The following UBE3D variants were observed in gnomAD, a reference collection of about 807,000 sequenced individuals.
UBE3D encodes the protein ubiquitin protein ligase E3D.
A neutral mutation model predicts 49.6 loss-of-function variants in UBE3D; 48 were observed. The ratio of observed to expected loss-of-function variants is 0.97; its 90% confidence interval spans 0.77 to 1.23. The LOEUF (loss-of-function observed/expected upper bound fraction) is 1.23, where lower values mean the gene tolerates loss of function less well. Among genes scored for constraint, UBE3D ranks in the 50% most tolerant of loss-of-function variants. The probability of loss-of-function intolerance (pLI) is 0.00; values close to 1 mark genes in which losing one functional copy is unlikely to be tolerated. For synonymous variants in UBE3D, 189 were observed against 174.2 expected, an observed-to-expected ratio of 1.08 and a Z score of -0.67; for missense variants, 452 against 468.4, an observed-to-expected ratio of 0.96 and a Z score of 0.32.
intron 8 of UBE3D, among the ~76,000 whole-genome samples, chr6:82,984,380 G>A (rs1156831011): frequency 6.6e-6 from 1 of 152,124 alleles, no homozygotes; most frequent in Non-Finnish European, 1.5e-5. Flanking sequence ...TCGTATGCAT[G>A]TGTCCTTTAA....
intron 9 of UBE3D, among the ~76,000 whole-genome samples, chr6:82,903,096 C>T (rs540821484): frequency 1.1e-4 from 16 of 152,002 alleles, no homozygotes; most frequent in East Asian, 1.9e-4. Flanking sequence ...CTTTAATTGA[C>T]GAAGGAATCC....
downstream of UBE3D, among the ~76,000 whole-genome samples, chr6:82,887,394 T>G (rs888255595): frequency 3.0e-5 from 4 of 131,414 alleles, no homozygotes; most frequent in East Asian, 2.2e-4. Context: ...TAACAGTTTT[T>G]TTTTTTTTTT....
intron 4 of UBE3D, among the ~76,000 whole-genome samples, chr6:83,039,088 C>A (rs202205182): frequency 2.0e-5 from 3 of 152,206 alleles, no homozygotes; most frequent in African/African-American, 7.2e-5. Context: ...AATCCAAATT[C>A]GCTATTTGAG....
the UBE3D span, among the ~76,000 whole-genome samples, chr6:82,885,627 C>T: frequency 2.0e-5 from 3 of 152,134 alleles, no homozygotes; most frequent in African/African-American, 7.2e-5. Context: ...TTAACTACCG[C>T]ATCTACATTT....
chr6:83,003,307 C>T (rs566297881), intron 8 of UBE3D, among the ~76,000 whole-genome samples: 2 of 152,036 alleles, frequency 1.3e-5, no homozygotes, highest in East Asian at 3.9e-4. Context: ...CATATTTTTT[C>T]ATCAAAAGAA....
chr6:83,029,559 G>T (rs1781720743), intron 5 of UBE3D, among the ~76,000 whole-genome samples: 1 of 152,120 alleles, frequency 6.6e-6, no homozygotes, highest in Admixed American at 6.5e-5. Flanking sequence ...CTGCTCAATT[G>T]AATATCTGTG....
At chr6:82,984,360 AAATT>A (rs1243591880) in intron 8 of UBE3D, among the ~76,000 whole-genome samples, 1 of 152,202 alleles carries the variant, frequency 6.6e-6, no homozygotes, top group Non-Finnish European at 1.5e-5. Flanking sequence ...AATAGTGCTC[AAATT>A]AATAGTCGTA....
At chr6:82,884,933 G>A in the UBE3D span, among the ~76,000 whole-genome samples, 14 of 152,184 alleles carry the variant, frequency 9.2e-5, no homozygotes, top group African/African-American at 3.1e-4. Flanking sequence ...TGTCAGATGC[G>A]TGGTCAGAAA....
intron 4 of UBE3D, among the ~76,000 whole-genome samples, chr6:83,042,324 C>T (rs1782732298): frequency 1.3e-5 from 2 of 152,146 alleles, no homozygotes; most frequent in Admixed American, 6.5e-5. Context: ...GTAGATACTG[C>T]TGCAATAACA....
intron 8 of UBE3D, among the ~76,000 whole-genome samples, chr6:82,969,311 A>G (rs77359892): frequency 5.0e-4 from 76 of 152,260 alleles, no homozygotes; most frequent in Middle Eastern, 3.4e-3. Context: ...ACATCACGAT[A>G]AAAATACTTA....
At chr6:82,922,958 A>T (rs1219251384) in intron 9 of UBE3D, among the ~76,000 whole-genome samples, 3 of 152,242 alleles carry the variant, frequency 2.0e-5, no homozygotes, top group Non-Finnish European at 4.4e-5. Flanking sequence ...ATATGAAAAA[A>T]TGCTCATCAT....
intron 9 of UBE3D, among the ~76,000 whole-genome samples, chr6:82,952,324 G>T (rs1273153946): frequency 6.6e-5 from 10 of 151,982 alleles, no homozygotes; most frequent in Non-Finnish European, 1.2e-4. Context: ...TCATGAAAAT[G>T]AAATGAGCTA....
intron 5 of UBE3D, among the ~76,000 whole-genome samples, chr6:83,025,328 T>C (rs1582672609): frequency 6.6e-6 from 1 of 152,032 alleles, no homozygotes; most frequent in East Asian, 1.9e-4. Flanking sequence ...AAAATTTAAA[T>C]AGAAATTTAA....
chr6:82,907,226 G>A (rs909772517), intron 9 of UBE3D, among the ~76,000 whole-genome samples: 1 of 152,140 alleles, frequency 6.6e-6, no homozygotes, highest in Non-Finnish European at 1.5e-5. Context: ...GGATGAGGTC[G>A]GGCTGTTGCT....
At chr6:83,035,845 G>A (rs1782208081) in intron 5 of UBE3D, among the ~76,000 whole-genome samples, 1 of 152,118 alleles carries the variant, frequency 6.6e-6, no homozygotes, top group South Asian at 2.1e-4. Context: ...ATTTCTATAA[G>A]CTAGATGTTG....
chr6:82,924,410 A>T (rs1301241808), intron 9 of UBE3D, among the ~76,000 whole-genome samples: 1 of 152,184 alleles, frequency 6.6e-6, no homozygotes. Flanking sequence ...AAGGACAAGA[A>T]TCTTTACTAC....
downstream of UBE3D, among the ~76,000 whole-genome samples, chr6:82,891,530 T>G (rs1244232491): frequency 1.3e-5 from 2 of 152,316 alleles, no homozygotes; most frequent in East Asian, 1.9e-4. Context: ...CACTAAGAAC[T>G]TCAACGTTTC....
chr6:82,999,772 C>A (rs1047655915), intron 8 of UBE3D, among the ~76,000 whole-genome samples: 2 of 152,120 alleles, frequency 1.3e-5, no homozygotes, highest in South Asian at 4.1e-4. Context: ...CTCTGTTCTG[C>A]CGTTCACAGC....
chr6:82,962,224 C>T (rs996089885), intron 8 of UBE3D, among the ~76,000 whole-genome samples: 5 of 152,056 alleles, frequency 3.3e-5, no homozygotes, highest in Admixed American at 1.3e-4. Context: ...TAATCAAAAA[C>T]AAGTAATGTT....
Sources: gnomAD v4.1 joint callset for allele counts (sites outside exome capture counted in the v4.1 genomes callset) on GRCh38, gnomAD v4.1.1 for gene constraint, MANE v1.5 for transcripts, NCBI Gene and HGNC (gene_info 2026-07-23, HGNC 2026-07-21) for gene names.